Variants in CUX2 observed in about 807,000 individuals in gnomAD.
CUX2 encodes homeobox protein cut-like 2.
Under a neutral mutation model 144.8 loss-of-function variants are expected in CUX2, and 40 were observed. The ratio of observed to expected loss-of-function variants is 0.28; its 90% confidence interval spans 0.21 to 0.36. The LOEUF (loss-of-function observed/expected upper bound fraction) is 0.36, where lower values mean the gene tolerates loss of function less well. CUX2 is among the 10% of genes least tolerant of loss of function. CUX2 has a pLI of 1.00. For missense variants in CUX2, 1,615 were observed against 1,994.0 expected (o/e 0.81, Z 3.62); for synonymous variants, 827 against 875.6 (o/e 0.94, Z 0.98).
intron 1 of CUX2, chr12:111,099,406 C>G: frequency 2.7e-6 from 1 of 375,624 alleles, no homozygotes; most frequent in South Asian, 2.0e-5. Flanking sequence ...CTTTCTTAAA[C>G]CGTTATGTGG....
intron 3 of CUX2, among the ~76,000 whole-genome samples, chr12:111,237,518 C>G (rs1199394087): frequency 2.0e-5 from 3 of 152,334 alleles, no homozygotes; most frequent in Middle Eastern, 3.4e-3. Context: ...TGTCCACGTC[C>G]CTGTCTCTCC....
In CUX2 at chr12:111,321,376, G is replaced by A. The variant is rs549829822; in HGVS notation, c.2766+601G>A. On this transcript the variant is annotated intron_variant, in intron 17 of 21. Coordinates refer to ENST00000261726, the MANE Select transcript of CUX2 (RefSeq NM_015267.4). ...CATGGCTACTTAGGAGACTGAGGCA[G>A]GAGCATCACTTGAACCTGGGAGGCA... Among the ~76,000 whole-genome samples, 5 of 152,104 alleles carry A rather than the reference G, an allele frequency of 3.3e-5. No homozygotes were observed. In the South Asian group the frequency reaches 1.0e-3, roughly 32 times the overall value.
At chr12:111,176,299 G>A (rs2136174148) in intron 1 of CUX2, among the ~76,000 whole-genome samples, 1 of 151,784 alleles carries the variant, frequency 6.6e-6, no homozygotes, top group South Asian at 2.1e-4. Context: ...CTCATGCCTT[G>A]GCCTCCCAAA....
In CUX2 at chr12:111,308,526, G is replaced by A. The variant is rs1266781234; in HGVS notation, c.1258G>A (p.Glu420Lys). Residue 420 changes from glutamate (E) to lysine (K), a missense_variant and splice_region_variant, in exon 14 of 22, where the codon GAG becomes AAG. By Grantham distance (56) the Glu-to-Lys change is moderately conservative. Around this residue, in one of 12 missense-constraint regions of CUX2, gnomAD observed 57 missense variants for 60.8 expected, o/e 0.94. Transcript: ENST00000261726. ...GAAGCCCAGCCTCCTGGCCAGCCCTGGTAGGGGAGGAGGATACTCTGGGGC... is the reference window on the plus strand; with the variant it reads ...GAAGCCCAGCCTCCTGGCCAGCCCTAGTAGGGGAGGAGGATACTCTGGGGC... The part of the protein sequence containing the change: ...LEKPSLLASP[E>K]EDPSEDDSIK... The A allele has an allele frequency of 6.2e-7, 1 of 1,607,098 alleles. No individual in the cohort carries two copies. Among genetic ancestry groups the A allele is most frequent in the Non-Finnish European group, 8.5e-7 (1 of 1,176,774 alleles).
rs1037093607 is a variant in CUX2 at position 111,293,124 on chromosome 12, G to A, written c.437-322G>A. Among the ~76,000 whole-genome samples the A allele has an allele frequency of 2.1e-5, 3 of 141,068 alleles. No individual in the cohort carries two copies. The highest frequency in any genetic ancestry group is 3.0e-5 in the Non-Finnish European group (2 of 66,930). 92.5% of individuals were successfully genotyped at this position (141,068 alleles called of 152,430 possible). A position where few individuals can be genotyped will look rare whatever the true frequency, so the allele number is the denominator to read the frequency against. On this transcript the variant is annotated intron_variant, in intron 5 of 21. Transcript: ENST00000261726. This position sits in a 1 kb window ranked among gnomAD's most constrained non-coding sequence, Gnocchi z 4.5. ...AGCCTGGGCAACAGACCAAGACTCC[G>A]TCTCAAAAAAAAAATAAAAAATAAA...
chr12:111,330,548 C>T (rs1888039929), intron 18 of CUX2, among the ~76,000 whole-genome samples: 1 of 151,166 alleles, frequency 6.6e-6, no homozygotes, highest in African/African-American at 2.4e-5. Context: ...AGATCATGAG[C>T]ATTGGCCAGC....
rs926755617 is a variant in CUX2 at position 111,186,780 on chromosome 12, A to G, written c.64-27420A>G. Among the ~76,000 whole-genome samples the G allele has an allele frequency of 3.9e-5, 5 of 129,762 alleles. No homozygotes were observed. Among genetic ancestry groups the G allele is most frequent in the African/African-American group, 1.8e-4 (5 of 28,308 alleles). 85.1% of individuals were successfully genotyped at this position (129,762 alleles called of 152,430 possible). Reference sequence around the variant, plus strand: ...GTATTAAAATCGATATGATGTGTGTATGTTTTTTTTTTTTTTGAGACAGAA... The same window carrying G: ...GTATTAAAATCGATATGATGTGTGTGTGTTTTTTTTTTTTTTGAGACAGAA... On this transcript the variant is annotated intron_variant, in intron 1 of 21. Transcript: ENST00000261726. The surrounding 1 kb of genome is among the most constrained non-coding windows in gnomAD (Gnocchi z 4.4).
At chr12:111,135,193 A>G (rs190144144) in intron 1 of CUX2, among the ~76,000 whole-genome samples, 80 of 149,168 alleles carry the variant, frequency 5.4e-4, no homozygotes, top group Admixed American at 1.3e-3. Context: ...GATAAGTGCT[A>G]TGAAGAAAAA....
intron 1 of CUX2, among the ~76,000 whole-genome samples, chr12:111,166,781 A>G (rs890235936): frequency 3.9e-5 from 6 of 152,200 alleles, no homozygotes; most frequent in African/African-American, 1.4e-4. Context: ...GACACTGCCC[A>G]GGACCGAGAA....
chr12:111,241,038 A>G (rs1882994088), intron 3 of CUX2, among the ~76,000 whole-genome samples: 1 of 152,112 alleles, frequency 6.6e-6, no homozygotes, highest in Non-Finnish European at 1.5e-5. Context: ...GGTAATGTAT[A>G]AAGAAAAGAG....
At position 111,348,445 on chromosome 12, in the gene CUX2, G is replaced by A; in HGVS notation, c.*120G>A. On this transcript the variant is annotated 3_prime_UTR_variant, in exon 22 of 22. Coordinates refer to ENST00000261726, the MANE Select transcript of CUX2 (RefSeq NM_015267.4). ...CAACCATCAAAATGTGGACAGCAAT[G>A]TTATGCCGTTTACGTTTTTTGTTGT... The A allele has an allele frequency of 1.0e-6, 1 of 961,548 alleles. No individual in the cohort carries two copies. The highest frequency in any genetic ancestry group is 1.5e-6 in the Non-Finnish European group (1 of 652,508). The allele number at this position is 961,548 out of a possible 1,614,324, so 59.6% of individuals were successfully genotyped here.
chr12:111,251,963 T>G (rs1883582785), intron 3 of CUX2, among the ~76,000 whole-genome samples: 1 of 152,130 alleles, frequency 6.6e-6, no homozygotes, highest in South Asian at 2.1e-4. Flanking sequence ...GAGGATCACT[T>G]GAGGCTAAGA....
At chr12:111,065,437 G>A (rs1457488200) in intron 1 of CUX2, among the ~76,000 whole-genome samples, 2 of 152,220 alleles carry the variant, frequency 1.3e-5, no homozygotes, top group Non-Finnish European at 2.9e-5. Context: ...CTGAGTTCAA[G>A]CAATTCTCCT....
In CUX2 at chr12:111,230,112, T is replaced by C. The variant is rs941943558; in HGVS notation, c.222+12175T>C. On this transcript the variant is annotated intron_variant, in intron 3 of 21. Coordinates refer to ENST00000261726, the MANE Select transcript of CUX2 (RefSeq NM_015267.4). ...AGGCTGCAACAGTGAGCCATTATCA[T>C]GCCACTGTACTTCAGCCTGGGTGAC... Among the ~76,000 whole-genome samples the C allele has an allele frequency of 3.4e-5, 5 of 148,008 alleles. No individual in the cohort carries two copies. The Admixed American group carries it at 3.4e-4, about 10-fold the overall frequency.
Position 111,293,448 on chromosome 12 carries a change from C to G in CUX2, c.439C>G (p.Gln147Glu), listed in dbSNP as rs1187618543. 6.2e-7 allele frequency: 1 copy of G among 1,607,688 alleles called. No homozygotes were observed. The highest frequency in any genetic ancestry group is 8.5e-7 in the Non-Finnish European group (1 of 1,177,952). Reference sequence around the variant, plus strand: ...TTTCCCTCTTTTTCTCCCTGCAGAGCAGAGAGAGGGGACGTCGCCTGCCGG... The same window carrying G: ...TTTCCCTCTTTTTCTCCCTGCAGAGGAGAGAGAGGGGACGTCGCCTGCCGG... ...RNPELLSPKE[Q>E]REGTSPAGPT... Residue 147 changes from glutamine (Q) to glutamate (E), a missense_variant and splice_region_variant, in exon 6 of 22, where the codon CAG becomes GAG. Transcript: ENST00000261726. The surrounding 1 kb of genome is among the most constrained non-coding windows in gnomAD (Gnocchi z 4.5).
rs57018141 is a variant in CUX2 at position 111,330,686 on chromosome 12, CATATATATATATATATATAT to C, written c.2927-3709_2927-3690del. 5.5e-3 allele frequency among the ~76,000 whole-genome samples: 328 copies of C among 59,264 alleles called. 3 individuals carry two copies. The highest frequency in any genetic ancestry group is 7.2e-3 in the Non-Finnish European group (186 of 25,880). The allele number at this position is 59,264 out of a possible 152,430, so 38.9% of individuals were successfully genotyped here. Reference sequence around the variant, plus strand: ...CTATCTCTATTTAAAAATACATATACATATATATATATATATATATATATATATATATATATATATATATA... The same window carrying C: ...CTATCTCTATTTAAAAATACATATACATATATATATATATATATATATATA... On this transcript the variant is annotated intron_variant, in intron 18 of 21. Transcript: ENST00000261726.
intron 4 of CUX2, among the ~76,000 whole-genome samples, chr12:111,265,138 G>A (rs1411512299): frequency 6.6e-6 from 1 of 151,970 alleles, no homozygotes; most frequent in African/African-American, 2.4e-5. Flanking sequence ...CAAGATAGTG[G>A]TTTCAAACAC....
chr12:111,326,760 C>T (rs550697031), intron 18 of CUX2, among the ~76,000 whole-genome samples: 7 of 151,854 alleles, frequency 4.6e-5, no homozygotes, highest in Admixed American at 6.6e-5. Context: ...AAAAATTAGC[C>T]GGGTGTGGTA....
intron 1 of CUX2, among the ~76,000 whole-genome samples, chr12:111,197,733 G>A (rs1880326858): frequency 1.3e-5 from 2 of 152,200 alleles, no homozygotes; most frequent in South Asian, 2.1e-4. Flanking sequence ...CATCCAAGGC[G>A]GGTGGTAGAA....
Sources: allele counts gnomAD v4.1 joint callset (sites outside exome capture counted in the v4.1 genomes callset), GRCh38; gene constraint gnomAD v4.1.1; regional missense constraint gnomAD v4.1.1; non-coding constraint Gnocchi (gnomAD v3.1); transcripts MANE v1.5; gene names NCBI Gene and HGNC (gene_info 2026-07-23, HGNC 2026-07-21).